The following SOCS7 variants were observed in gnomAD, a reference collection of about 807,000 sequenced individuals.
SOCS7 encodes suppressor of cytokine signaling 7, also known as NAP-4.
Under a neutral mutation model 58.9 loss-of-function variants are expected in SOCS7, and 18 were observed. The ratio of observed to expected loss-of-function variants is 0.31; its 90% CI spans 0.21 to 0.45. The LOEUF is 0.45. SOCS7 is among the 20% of genes least tolerant of loss of function. The pLI, the probability that SOCS7 is intolerant of heterozygous loss-of-function variation, is 1.00. For synonymous variants in SOCS7, 388 were observed against 364.3 expected, an observed-to-expected ratio of 1.06 and a Z score of -0.74; for missense variants, 667 against 837.3, an observed-to-expected ratio of 0.80 and a Z score of 2.51.
chr17:38,395,931 T>A lies in SOCS7; in HGVS notation c.1901T>A (p.Ile634Asn). 6.2e-7 allele frequency: 1 copy of A among 1,611,548 alleles called. No individual in the cohort carries two copies. The highest frequency in any genetic ancestry group is 8.5e-7 in the Non-Finnish European group (1 of 1,179,420). ...CTGTCTCTAAAGGAAGCGCAGCTCA[T>A]TTCCAAACAGAAGCAAGAGGTGGAA... ...VYLSLKEAQLISKQKQEVEPS... is the reference protein window; with the variant it reads ...VYLSLKEAQLNSKQKQEVEPS... The change falls in exon 9 of 10, where the codon ATT becomes AAT. Residue 634 changes from isoleucine (I) to asparagine (N), a missense_variant. Ile to Asn is a moderately radical substitution (Grantham distance 149). This residue lies in a region of SOCS7 where 40 missense variants were observed against 45.6 expected (regional missense o/e 0.88). Coordinates refer to ENST00000612932, the MANE Select transcript of SOCS7 (RefSeq NM_014598.4).
At chr17:38,378,233 C>T (rs1247666820) in intron 7 of SOCS7, among the ~76,000 whole-genome samples, 1 of 152,084 alleles carries the variant, frequency 6.6e-6, no homozygotes. Context: ...AAGGCAGGGG[C>T]GAGCGTCAGT....
At chr17:38,371,180 C>T (rs1165190128) in intron 6 of SOCS7, among the ~76,000 whole-genome samples, 4 of 152,154 alleles carry the variant, frequency 2.6e-5, no homozygotes, top group Non-Finnish European at 5.9e-5. Flanking sequence ...GTGCCACGAT[C>T]TCGGCTCACT....
At position 38,365,374 on chromosome 17, in the gene SOCS7, T is replaced by C; in HGVS notation, c.1217T>C (p.Phe406Ser). The change falls in exon 4 of 10, where the codon TTC (phenylalanine) becomes TCC (serine). Residue 406 changes from phenylalanine to serine, a missense_variant. Phe to Ser is a radical substitution (Grantham distance 155). This residue lies in a region of SOCS7 where 99 missense variants were observed against 122.9 expected (regional missense o/e 0.81). Transcript: ENST00000612932. ...VAPMGSSLQS[F>S]PLPPPPPPHA... is the part of the protein sequence containing the mutation. Reference sequence around the variant, plus strand: ...CCGATGGGGTCTTCCTTGCAGTCTTTCCCCCTACCTCCGCCTCCTCCACCC... The same window carrying C: ...CCGATGGGGTCTTCCTTGCAGTCTTCCCCCCTACCTCCGCCTCCTCCACCC... 1 of 1,611,778 alleles carries C rather than the reference T, an allele frequency of 6.2e-7. No homozygotes were observed.
chr17:38,360,575 T>G (rs2037704187), intron 1 of SOCS7, among the ~76,000 whole-genome samples: 1 of 152,200 alleles, frequency 6.6e-6, no homozygotes, highest in East Asian at 1.9e-4. Flanking sequence ...AGTCTCGCTC[T>G]GTCGCCCAGG....
In SOCS7 at chr17:38,352,227, T is replaced by C; in HGVS notation, c.175T>C (p.Ser59Pro). ...CCTCGCGCGGCCCGGCCCGCGGGGC[T>C]CCCGGCCGCCGCAGCTGATGGTGTT... ...PFLARPGPRG[S>P]RPPQLMVFRN... Residue 59 changes from serine (S) to proline (P), a missense_variant, in exon 1 of 10, where the codon TCC (serine) becomes CCC (proline). Transcript: ENST00000612932. The surrounding 1 kb of genome is among the most constrained non-coding windows in gnomAD (Gnocchi z 5.5). The C allele has an allele frequency of 7.3e-7, 1 of 1,372,682 alleles. No homozygotes were observed. Among genetic ancestry groups the C allele is most frequent in the Non-Finnish European group, 9.3e-7 (1 of 1,069,866 alleles). The allele number at this position is 1,372,682 out of a possible 1,614,324, so 85.0% of individuals were successfully genotyped here.
At chr17:38,369,899 C>G (rs1487213974) in intron 6 of SOCS7, among the ~76,000 whole-genome samples, 9 of 151,840 alleles carry the variant, frequency 5.9e-5, no homozygotes, top group African/African-American at 2.2e-4. Context: ...AAGCAATTCT[C>G]CTGCCTCAGC....
chr17:38,377,635 T>A, intron 6 of SOCS7, 79 bp from the exon 7 acceptor site: 1 of 1,382,468 alleles, frequency 7.2e-7, no homozygotes, highest in Middle Eastern at 2.0e-4. Context: ...GTGAGAATCA[T>A]AGTTAAAATA....
intron 5 of SOCS7, 106 bp from the exon 6 acceptor site, chr17:38,367,776 T>C (rs867704304): frequency 1.0e-6 from 1 of 1,003,606 alleles, no homozygotes; most frequent in Middle Eastern, 2.2e-4. Flanking sequence ...TATTGAAATA[T>C]TTTGGAGAGA....
At position 38,404,500 on chromosome 17, in the gene SOCS7, A is replaced by AC. The variant is rs2038363847; in HGVS notation, c.*5020dup. The AC allele has an allele frequency of 6.6e-6, 1 of 152,134 alleles. No individual in the cohort carries two copies. Among genetic ancestry groups the AC allele is most frequent in the Admixed American group, 6.6e-5 (1 of 15,266 alleles). The allele number at this position is 152,134 out of a possible 1,614,324, so 9.4% of individuals were successfully genotyped here. On this transcript the variant is annotated 3_prime_UTR_variant, in exon 10 of 10. Coordinates refer to ENST00000612932, the MANE Select transcript of SOCS7 (RefSeq NM_014598.4). ...CTAGAGGGTTTAGAGGTGACCTGGAACCGTTCCCTTTCCCTCTCCTACCCC... is the reference window on the plus strand; with the variant it reads ...CTAGAGGGTTTAGAGGTGACCTGGAACCCGTTCCCTTTCCCTCTCCTACCCC...
chr17:38,398,819 G>T, intron 9 of SOCS7, among the ~76,000 whole-genome samples: 1 of 152,174 alleles, frequency 6.6e-6, no homozygotes, highest in Non-Finnish European at 1.5e-5. Flanking sequence ...CTGGCCAGGT[G>T]TGATGGTTCA....
chr17:38,370,252 C>T (rs925845807), intron 6 of SOCS7, among the ~76,000 whole-genome samples: 3 of 151,768 alleles, frequency 2.0e-5, no homozygotes, highest in African/African-American at 7.3e-5. Context: ...CCTGCCTCGG[C>T]TTCCCAAAGT....
At chr17:38,357,183 C>T (rs1555566921) in intron 1 of SOCS7, among the ~76,000 whole-genome samples, 1 of 152,174 alleles carries the variant, frequency 6.6e-6, no homozygotes, top group Non-Finnish European at 1.5e-5. Context: ...GTGGACAGGC[C>T]TGGCAGACGT....
At chr17:38,386,743 A>G (rs1011287195) in intron 7 of SOCS7, among the ~76,000 whole-genome samples, 1 of 152,102 alleles carries the variant, frequency 6.6e-6, no homozygotes, top group African/African-American at 2.4e-5. Flanking sequence ...ACTAATTTTC[A>G]AGATAACGAA....
Position 38,384,668 on chromosome 17 carries a change from T to C in SOCS7, c.1681+6826T>C, listed in dbSNP as rs1314936364. Among the ~76,000 whole-genome samples the C allele has an allele frequency of 2.6e-5, 4 of 152,002 alleles. No homozygotes were observed. In the East Asian group the frequency reaches 7.7e-4, roughly 29 times the overall value. On this transcript the variant is annotated intron_variant, in intron 7 of 9. Coordinates refer to ENST00000612932, the MANE Select transcript of SOCS7 (RefSeq NM_014598.4). The stretch of plus-strand genomic sequence containing the variant: ...GTGCAGTGGTGCGATCTCGGCTCAC[T>C]GCCACCATCCACATCCCGGGTTCAA...
Position 38,367,936 on chromosome 17 carries a change from G to A in SOCS7, c.1438G>A (p.Gly480Arg), listed in dbSNP as rs1461751432. The change falls in exon 6 of 10, where the codon GGG becomes AGG. Residue 480 changes from glycine (G) to arginine (R), a missense_variant. Transcript: ENST00000612932. The stretch of plus-strand genomic sequence containing the variant: ...GGAAGATGCAGAGATGAAGCTGAAA[G>A]GGAAACCAGATGGTTCTTTCCTGGT... Reference protein sequence around the residue: ...NWEDAEMKLKGKPDGSFLVRD... With the variant: ...NWEDAEMKLKRKPDGSFLVRD... The A allele has an allele frequency of 6.2e-7, 1 of 1,614,072 alleles. No homozygotes were observed. The highest frequency in any genetic ancestry group is 1.3e-5 in the African/African-American group (1 of 74,920).
At chr17:38,396,135 A>T in intron 9 of SOCS7, 137 bp downstream of exon 9, 1 of 695,452 alleles carries the variant, frequency 1.4e-6, no homozygotes, top group Non-Finnish European at 2.2e-6. Flanking sequence ...GAATGACAAG[A>T]TCTGACCGTG....
At chr17:38,357,293 C>T (rs745501298) in intron 1 of SOCS7, among the ~76,000 whole-genome samples, 3 of 152,084 alleles carry the variant, frequency 2.0e-5, no homozygotes, top group African/African-American at 4.8e-5. Context: ...TATGGTGTGG[C>T]GAGGAAGTTC....
chr17:38,380,939 G>A (rs1202996634), intron 7 of SOCS7, among the ~76,000 whole-genome samples: 1 of 152,156 alleles, frequency 6.6e-6, no homozygotes. Flanking sequence ...TGAGGCTGAA[G>A]CTCAAAAGTT....
chr17:38,361,099 G>C (rs2037713142), intron 1 of SOCS7, among the ~76,000 whole-genome samples: 1 of 152,260 alleles, frequency 6.6e-6, no homozygotes, highest in Admixed American at 6.5e-5. Context: ...AGCTCAGAGA[G>C]ACGAATGGGC....
Sources: gnomAD v4.1 joint callset for allele counts (sites outside exome capture counted in the v4.1 genomes callset) on GRCh38, gnomAD v4.1.1 for gene constraint, gnomAD v4.1.1 regional missense constraint, Gnocchi (gnomAD v3.1) non-coding constraint, MANE v1.5 for transcripts, NCBI Gene and HGNC (gene_info 2026-07-23, HGNC 2026-07-21) for gene names.